The following AGBL1 variants were observed in gnomAD, a reference collection of about 807,000 sequenced individuals.
AGBL1 encodes AGBL carboxypeptidase 1.
Under a neutral mutation model 118.9 loss-of-function variants are expected in AGBL1, and 130 were observed. The ratio of observed to expected loss-of-function variants is 1.09; its 90% CI spans 0.95 to 1.26. The LOEUF (loss-of-function observed/expected upper bound fraction) is 1.26. AGBL1 is among the 50% of genes most tolerant of loss of function. AGBL1 has a pLI of 0.00. For synonymous variants in AGBL1, 555 were observed against 478.9 expected (o/e 1.16, Z -2.08); for missense variants, 1,584 against 1,298.1 (o/e 1.22, Z -3.38).
At chr15:86,506,197 C>T (rs1002864092) in intron 18 of AGBL1, among the ~76,000 whole-genome samples, 3 of 152,034 alleles carry the variant, frequency 2.0e-5, no homozygotes, top group African/African-American at 7.2e-5. Flanking sequence ...CAAGGTTTGT[C>T]AGGATTGAGA....
At chr15:86,102,075 C>G (rs1460568000) in intron 1 of AGBL1, among the ~76,000 whole-genome samples, 3 of 150,202 alleles carry the variant, frequency 2.0e-5, no homozygotes, top group African/African-American at 7.4e-5. Context: ...GAGTCTTGCT[C>G]TCTTGCCCAG....
chr15:86,218,678 G>T (rs2078229574), intron 5 of AGBL1, among the ~76,000 whole-genome samples: 1 of 152,316 alleles, frequency 6.6e-6, no homozygotes, highest in East Asian at 1.9e-4. Context: ...AGTAATGTTG[G>T]GGAAACCCCC....
chr15:86,377,564 T>C (rs959927422), intron 17 of AGBL1, among the ~76,000 whole-genome samples: 1 of 152,218 alleles, frequency 6.6e-6, no homozygotes, highest in Admixed American at 6.5e-5. Flanking sequence ...TTATTATTTC[T>C]TATCAGGTCC....
intron 19 of AGBL1, among the ~76,000 whole-genome samples, chr15:86,525,890 C>T (rs1376807627): frequency 6.6e-6 from 1 of 152,048 alleles, no homozygotes; most frequent in Non-Finnish European, 1.5e-5. Flanking sequence ...AACTAAGTAC[C>T]TTTTGCATGG....
At chr15:86,845,883 T>C (rs1292964051) in intron 22 of AGBL1, among the ~76,000 whole-genome samples, 2 of 152,210 alleles carry the variant, frequency 1.3e-5, no homozygotes, top group Admixed American at 1.3e-4. Flanking sequence ...ATATCTTTTC[T>C]CCCAAACCTG....
At chr15:86,431,455 G>A (rs1425162828) in intron 18 of AGBL1, among the ~76,000 whole-genome samples, 2 of 152,126 alleles carry the variant, frequency 1.3e-5, no homozygotes, top group Admixed American at 6.5e-5. Flanking sequence ...ATACATTTCC[G>A]AGTAATTTGC....
At chr15:86,790,059 G>A (rs1467706036) in intron 22 of AGBL1, among the ~76,000 whole-genome samples, 1 of 152,054 alleles carries the variant, frequency 6.6e-6, no homozygotes, top group Non-Finnish European at 1.5e-5. Flanking sequence ...GTAACATGAT[G>A]ATGCATTCTC....
chr15:86,857,630 A>G (rs1199249518), intron 22 of AGBL1, among the ~76,000 whole-genome samples: 2 of 152,140 alleles, frequency 1.3e-5, no homozygotes, highest in African/African-American at 4.8e-5. Flanking sequence ...AGAACCTCAT[A>G]TCATCACAGA....
chr15:87,004,598 G>GT (rs1398374897), intron 24 of AGBL1, among the ~76,000 whole-genome samples: 2 of 152,008 alleles, frequency 1.3e-5, no homozygotes, highest in Non-Finnish European at 2.9e-5. Context: ...ACGTGAGATG[G>GT]GTCTCCTGAA....
At chr15:86,591,364 A>G (rs1202106629) in intron 21 of AGBL1, among the ~76,000 whole-genome samples, 2 of 152,194 alleles carry the variant, frequency 1.3e-5, no homozygotes, top group Admixed American at 6.5e-5. Flanking sequence ...CTACCTACAG[A>G]TAGTGCCAGA....
At chr15:86,905,081 G>A (rs564791520) in intron 22 of AGBL1, among the ~76,000 whole-genome samples, 2 of 152,320 alleles carry the variant, frequency 1.3e-5, no homozygotes, top group South Asian at 4.1e-4. Context: ...ATTAAAGTGA[G>A]CTTTTTAAAA....
intron 5 of AGBL1, among the ~76,000 whole-genome samples, chr15:86,167,105 T>C (rs1826160445): frequency 2.0e-5 from 3 of 152,122 alleles, no homozygotes; most frequent in Admixed American, 2.0e-4. Context: ...AATCACACCT[T>C]CCTCACAACA....
chr15:86,545,580 G>T (rs1457662724), intron 19 of AGBL1, among the ~76,000 whole-genome samples: 2 of 152,076 alleles, frequency 1.3e-5, no homozygotes, highest in South Asian at 4.2e-4. Context: ...ATGCCCCAGC[G>T]TGTGTGTTTT....
chr15:86,374,758 G>A (rs944870889), intron 17 of AGBL1, among the ~76,000 whole-genome samples: 2 of 152,208 alleles, frequency 1.3e-5, no homozygotes, highest in African/African-American at 4.8e-5. Flanking sequence ...GCAGGGCTTA[G>A]TTAAGAATGT....
chr15:86,665,336 C>G (rs1269876273), intron 21 of AGBL1, among the ~76,000 whole-genome samples: 1 of 29,922 alleles, frequency 3.3e-5, no homozygotes, highest in Non-Finnish European at 8.0e-5. Flanking sequence ...AATACACTTC[C>G]AAATTTCCTT....
intron 19 of AGBL1, among the ~76,000 whole-genome samples, chr15:86,538,269 C>G (rs1189483827): frequency 1.3e-5 from 2 of 152,162 alleles, no homozygotes; most frequent in African/African-American, 4.8e-5. Context: ...GAGTCTCTCG[C>G]TTTGGGAAAG....
chr15:86,469,210 A>G (rs940149756), intron 18 of AGBL1, among the ~76,000 whole-genome samples: 2 of 152,162 alleles, frequency 1.3e-5, no homozygotes, highest in South Asian at 4.1e-4. Flanking sequence ...ACTTTGTACC[A>G]TTTGACCAAC....
At chr15:86,119,601 C>A (rs1016754626) in intron 1 of AGBL1, among the ~76,000 whole-genome samples, 2 of 152,058 alleles carry the variant, frequency 1.3e-5, no homozygotes, top group South Asian at 2.1e-4. Flanking sequence ...ACATGATGGA[C>A]CCCACAATGG....
At position 86,571,811 on chromosome 15, in the gene AGBL1, C is replaced by T. The variant is rs182038169; in HGVS notation, c.2994+17274C>T. Among the ~76,000 whole-genome samples the T allele has an allele frequency of 2.2e-3, 336 of 152,280 alleles. 1 individual carries two copies. The highest frequency in any genetic ancestry group is 7.4e-3 in the African/African-American group (308 of 41,566). On this transcript the variant is annotated intron_variant, in intron 21 of 22. Transcript: ENST00000614907. ...CCCCTCTGGTCTGGGGGTCTCGTGG[C>T]CCAGCCCCCAGGCTTCAGGCCCTCC...
Sources: gnomAD v4.1 joint callset for allele counts (sites outside exome capture counted in the v4.1 genomes callset) on GRCh38, gnomAD v4.1.1 for gene constraint, MANE v1.5 for transcripts, NCBI Gene and HGNC (gene_info 2026-07-23, HGNC 2026-07-21) for gene names.